NRXN1: variants seen among roughly 807,000 people sequenced by gnomAD.
The protein encoded by NRXN1 is neurexin 1.
A neutral mutation model predicts 150.9 loss-of-function variants in NRXN1; 39 were observed. The ratio of observed to expected loss-of-function variants is 0.26; its 90% CI spans 0.20 to 0.34. The LOEUF (loss-of-function observed/expected upper bound fraction) is 0.34, where lower values mean the gene tolerates loss of function less well. NRXN1 is among the 10% of genes least tolerant of loss of function. NRXN1 has a pLI of 1.00. For synonymous variants in NRXN1, 924 were observed against 757.0 expected (o/e 1.22, Z -3.62); for missense variants, 1,815 against 1,949.9 (o/e 0.93, Z 1.30).
intron 18 of NRXN1, among the ~76,000 whole-genome samples, chr2:50,148,979 G>T (rs1342180933): frequency 6.6e-6 from 1 of 151,702 alleles, no homozygotes; most frequent in African/African-American, 2.4e-5. Flanking sequence ...TCTCTGGGTT[G>T]AAAGTCTATT....
chr2:50,657,074 C>T (rs1049406216), intron 5 of NRXN1, among the ~76,000 whole-genome samples: 3 of 151,992 alleles, frequency 2.0e-5, no homozygotes, highest in Admixed American at 6.6e-5. Context: ...TGTGGTTTCT[C>T]GTCTCTCTCA....
intron 5 of NRXN1, among the ~76,000 whole-genome samples, chr2:50,734,263 A>G (rs747196699): frequency 5.4e-4 from 82 of 152,218 alleles, no homozygotes; most frequent in Non-Finnish European, 1.0e-3. Context: ...TTTCAAGCAA[A>G]TTTCTTAGTT....
At chr2:50,059,821 G>A (rs555049530) in intron 19 of NRXN1, among the ~76,000 whole-genome samples, 7 of 152,314 alleles carry the variant, frequency 4.6e-5, no homozygotes, top group Non-Finnish European at 7.3e-5. Context: ...TGTTGAGCCC[G>A]TGGGTGCAAA....
chr2:51,028,229 G>A lies in NRXN1; in HGVS notation c.45C>T (p.Cys15=), dbSNP rs1670927392. 6.8e-7 allele frequency: 1 copy of A among 1,474,570 alleles called. No homozygotes were observed. 91.3% of individuals were successfully genotyped at this position (1,474,570 alleles called of 1,614,324 possible). A position where few individuals can be genotyped will look rare whatever the true frequency, so the allele number is the denominator to read the frequency against. The change falls in exon 2 of 23, where the codon TGC becomes TGT. Residue 15 remains cysteine, a synonymous_variant. Transcript: ENST00000401669. ...LLQRGGCFLL[C]LSLLLLGCWA... ...AGCAGCCCAGGAGCAGCAGCGAGAG[G>A]CACAGAAGAAAACAGCCCCCGCGCT...
chr2:50,053,228 A>T, intron 21 of NRXN1, 43 bp downstream of exon 21: 2 of 1,600,798 alleles, frequency 1.2e-6, no homozygotes, highest in Non-Finnish European at 1.7e-6. Flanking sequence ...ACTATCATAA[A>T]TAATATAGGA....
chr2:50,728,950 A>C (rs1697740978), intron 5 of NRXN1, among the ~76,000 whole-genome samples: 1 of 152,186 alleles, frequency 6.6e-6, no homozygotes, highest in East Asian at 1.9e-4. Context: ...CTGTGCTGGA[A>C]GTAATTATTA....
chr2:50,601,638 A>C (rs1057032231), intron 8 of NRXN1, among the ~76,000 whole-genome samples: 2 of 152,212 alleles, frequency 1.3e-5, no homozygotes, highest in Non-Finnish European at 2.9e-5. Context: ...ATGTATTTGT[A>C]AGTTTTTCCT....
intron 21 of NRXN1, among the ~76,000 whole-genome samples, chr2:50,008,638 A>T (rs1558682723): frequency 6.6e-6 from 1 of 152,040 alleles, no homozygotes; most frequent in Non-Finnish European, 1.5e-5. Context: ...ATATGCACAT[A>T]GTAATGAAAA....
intron 5 of NRXN1, among the ~76,000 whole-genome samples, chr2:50,826,860 T>C (rs1670516403): frequency 2.0e-5 from 3 of 152,150 alleles, no homozygotes; most frequent in South Asian, 4.1e-4. Context: ...ATTAGAGATA[T>C]ACATTTGGGA....
intron 13 of NRXN1, among the ~76,000 whole-genome samples, chr2:50,499,550 C>A (rs763423114): frequency 0.025 from 3,759 of 152,172 alleles, 61 homozygotes; most frequent in Non-Finnish European, 0.037. Flanking sequence ...GGATCTACTT[C>A]TTTGGTAAAA....
intron 17 of NRXN1, among the ~76,000 whole-genome samples, chr2:50,350,577 A>G: frequency 6.6e-6 from 1 of 152,184 alleles, no homozygotes; most frequent in East Asian, 1.9e-4. Context: ...AACAAGGATC[A>G]ACTGTATTTG....
intron 5 of NRXN1, among the ~76,000 whole-genome samples, chr2:50,649,251 T>TACACATACACACACACAC (rs1284650257): frequency 2.5e-5 from 2 of 79,550 alleles, no homozygotes; most frequent in African/African-American, 9.0e-5. Context: ...TATACACACA[T>TACACATACACACACACAC]ACACACATAC....
intron 12 of NRXN1, among the ~76,000 whole-genome samples, chr2:50,515,062 C>G (rs2092587781): frequency 1.3e-5 from 2 of 152,160 alleles, no homozygotes; most frequent in Admixed American, 6.6e-5. Flanking sequence ...AGCAGGCAAG[C>G]CAGAGAAGCT....
intron 21 of NRXN1, among the ~76,000 whole-genome samples, chr2:50,036,729 G>C (rs901538021): frequency 6.6e-6 from 1 of 152,094 alleles, no homozygotes; most frequent in Admixed American, 6.6e-5. Context: ...GCAATGTAAC[G>C]TGAGTTCTGT....
rs113721205 is a variant in NRXN1 at position 50,193,477 on chromosome 2, T to G, written c.3546+43312A>C. 5.1e-3 allele frequency among the ~76,000 whole-genome samples: 784 copies of G among 152,260 alleles called. 12 individuals carry two copies. The highest frequency in any genetic ancestry group is 0.018 in the African/African-American group (745 of 41,554). ...ATTTTACAACAACTTTCAGTGATAT[T>G]TATAAACTGTGGCATATTAGTGATT... On this transcript the variant is annotated intron_variant, in intron 18 of 22. Coordinates refer to ENST00000401669, the MANE Select transcript of NRXN1 (RefSeq NM_001330078.2).
intron 21 of NRXN1, among the ~76,000 whole-genome samples, chr2:49,991,300 G>A (rs1034712970): frequency 2.0e-5 from 3 of 152,060 alleles, no homozygotes; most frequent in Admixed American, 2.0e-4. Flanking sequence ...ATCTTTGCTT[G>A]CAGGTGACAC....
At chr2:50,474,805 C>CA (rs2089851121) in intron 15 of NRXN1, among the ~76,000 whole-genome samples, 1 of 148,880 alleles carries the variant, frequency 6.7e-6, no homozygotes, top group South Asian at 2.1e-4. Context: ...AACAAGCTTC[C>CA]ATGCCACCTC....
intron 18 of NRXN1, among the ~76,000 whole-genome samples, chr2:50,193,820 A>G (rs1366352793): frequency 1.3e-5 from 2 of 152,136 alleles, no homozygotes; most frequent in African/African-American, 4.8e-5. Context: ...TATCTCAAGG[A>G]CATACTGTCT....
intron 5 of NRXN1, among the ~76,000 whole-genome samples, chr2:50,658,714 A>G (rs1161388316): frequency 6.6e-6 from 1 of 151,848 alleles, no homozygotes; most frequent in Admixed American, 6.6e-5. Flanking sequence ...TCCCAAATGC[A>G]GTTTTGCCAG....
Sources: allele counts gnomAD v4.1 joint callset (sites outside exome capture counted in the v4.1 genomes callset), GRCh38; gene constraint gnomAD v4.1.1; transcripts MANE v1.5; gene names NCBI Gene and HGNC (gene_info 2026-07-23, HGNC 2026-07-21).